Variants in C2CD3 observed in about 807,000 individuals in gnomAD.
The protein encoded by C2CD3 is C2 domain containing 3 centriole elongation regulator, also known as C2 domain-containing protein 3.
C2CD3 carries 148 observed loss-of-function variants against 234.0 expected under a neutral mutation model. That is an observed-to-expected ratio of 0.63 (90% CI 0.55 to 0.72). The LOEUF (loss-of-function observed/expected upper bound fraction) is 0.72. Ranked by LOEUF, C2CD3 falls within the 30% of genes least tolerant of loss-of-function variation. The pLI, the probability that C2CD3 is intolerant of heterozygous loss-of-function variation, is 0.00. For missense variants in C2CD3, 2,577 were observed against 2,811.5 expected (o/e 0.92, Z 1.89); for synonymous variants, 1,000 against 1,035.4 (o/e 0.97, Z 0.66).
chr11:74,111,401 T>C (rs1329337658), intron 11 of C2CD3, among the ~76,000 whole-genome samples: 1 of 152,134 alleles, frequency 6.6e-6, no homozygotes, highest in Non-Finnish European at 1.5e-5. Flanking sequence ...TCAGTCAAAA[T>C]GCAGTGAAAA....
chr11:74,111,991 TTATC>T (rs771458121), intron 11 of C2CD3, among the ~76,000 whole-genome samples: 20 of 144,046 alleles, frequency 1.4e-4, no homozygotes, highest in Admixed American at 5.6e-4. Flanking sequence ...CACACACACA[TTATC>T]TATCTATCTA....
chr11:74,039,392 G>A (rs1018492932), intron 29 of C2CD3, among the ~76,000 whole-genome samples: 13 of 152,196 alleles, frequency 8.5e-5, no homozygotes, highest in South Asian at 4.1e-4. Flanking sequence ...ACCTTGTTTC[G>A]CGCCCATTTG....
chr11:74,120,082 T>A (rs1210057019), intron 8 of C2CD3, among the ~76,000 whole-genome samples: 1 of 152,214 alleles, frequency 6.6e-6, no homozygotes, highest in African/African-American at 2.4e-5. Context: ...AGCAGTGGCA[T>A]GTGGCTACTA....
At chr11:74,108,706 G>C (rs1956626996) in intron 12 of C2CD3, among the ~76,000 whole-genome samples, 1 of 152,078 alleles carries the variant, frequency 6.6e-6, no homozygotes, top group South Asian at 2.1e-4. Flanking sequence ...TCTTTCATTA[G>C]ATTGAGTGAT....
At chr11:74,052,908 A>T (rs759307627) in intron 26 of C2CD3, among the ~76,000 whole-genome samples, 3 of 152,232 alleles carry the variant, frequency 2.0e-5, no homozygotes, top group Non-Finnish European at 2.9e-5. Context: ...GTGACTCTGT[A>T]GGCTGTGTAG....
Position 74,085,643 on chromosome 11 carries a change from A to T in C2CD3, c.3885T>A (p.Ala1295=). 1.2e-6 allele frequency: 2 copies of T among 1,614,190 alleles called. No homozygotes were observed. Among genetic ancestry groups the T allele is most frequent in the Non-Finnish European group, 8.5e-7 (1 of 1,180,032 alleles). ...ELLEFAEVIF[A]VYHENTKSAS... ...CTGACTTGGTATTTTCATGATAGACAGCAAAAATAACTTCTGCAAACTCCA... is the reference window on the plus strand; with the variant it reads ...CTGACTTGGTATTTTCATGATAGACTGCAAAAATAACTTCTGCAAACTCCA... The change falls in exon 21 of 33, where the codon GCT becomes GCA. Residue 1295 remains alanine (A), a synonymous_variant. Transcript: ENST00000334126.
At chr11:74,164,523 T>A (rs1349031731) in intron 2 of C2CD3, among the ~76,000 whole-genome samples, 3 of 152,188 alleles carry the variant, frequency 2.0e-5, no homozygotes, top group Non-Finnish European at 4.4e-5. Flanking sequence ...TTAGTTACTT[T>A]TAACTCTTTG....
At chr11:74,081,773 GCTCT>G (rs1188550021) in intron 22 of C2CD3, among the ~76,000 whole-genome samples, 2 of 152,120 alleles carry the variant, frequency 1.3e-5, no homozygotes, top group African/African-American at 2.4e-5. Context: ...TCATGATTTG[GCTCT>G]CTGTTTGTCT....
At chr11:74,066,867 A>G (rs1490354248) in intron 24 of C2CD3, among the ~76,000 whole-genome samples, 1 of 152,188 alleles carries the variant, frequency 6.6e-6, no homozygotes, top group Non-Finnish European at 1.5e-5. Context: ...AAGAGTAAAC[A>G]TTAAACTCAG....
At chr11:74,123,742 T>A (rs1957304585) in intron 7 of C2CD3, among the ~76,000 whole-genome samples, 2 of 150,496 alleles carry the variant, frequency 1.3e-5, no homozygotes, top group South Asian at 4.2e-4. Context: ...GGTATCTTTT[T>A]TTTTTTTTTT....
intron 8 of C2CD3, among the ~76,000 whole-genome samples, chr11:74,120,001 T>C (rs1277764471): frequency 1.3e-5 from 2 of 152,182 alleles, no homozygotes; most frequent in East Asian, 3.8e-4. Context: ...GAGTGGCAGC[T>C]TTTAAAAATG....
rs142851617 is a variant in C2CD3, at chr11:74,042,112, C to T, written c.5602G>A (p.Asp1868Asn). ...HLQGEAPLPC[D>N]DKLTTSPLSS... The stretch of plus-strand genomic sequence containing the variant: ...AAAGGTGATGTGGTCAGTTTGTCAT[C>T]ACATGGCAAGGGTGCCTCTCCCTGA... Residue 1868 changes from aspartate to asparagine, a missense_variant, in exon 29 of 33, where the codon GAT becomes AAT. Coordinates refer to ENST00000334126, the MANE Select transcript of C2CD3 (RefSeq NM_001286577.2). 2.0e-4 allele frequency: 318 copies of T among 1,613,584 alleles called. 1 individual carries two copies. The highest frequency in any genetic ancestry group is 4.9e-4 in the Middle Eastern group (3 of 6,082).
intron 23 of C2CD3, among the ~76,000 whole-genome samples, chr11:74,075,520 A>G (rs764002601): frequency 2.6e-5 from 4 of 152,210 alleles, no homozygotes; most frequent in Non-Finnish European, 4.4e-5. Flanking sequence ...ATTTAAGCCC[A>G]GAGACTTGAA....
At chr11:74,111,947 CACACACACACACACACACACACAT>C (rs1296964318) in intron 11 of C2CD3, among the ~76,000 whole-genome samples, 19 of 146,658 alleles carry the variant, frequency 1.3e-4, no homozygotes, top group South Asian at 1.1e-3. Flanking sequence ...CACACACACA[CACACACACACACACACACACACAT>C]ATATATATAC....
chr11:74,115,780 T>C (rs757614050), intron 9 of C2CD3, among the ~76,000 whole-genome samples: 4 of 152,100 alleles, frequency 2.6e-5, no homozygotes, highest in Non-Finnish European at 5.9e-5. Flanking sequence ...AATAGACACA[T>C]AGACCAATGG....
chr11:74,065,059 A>G (rs1199052989), intron 24 of C2CD3, among the ~76,000 whole-genome samples: 1 of 152,252 alleles, frequency 6.6e-6, no homozygotes, highest in Non-Finnish European at 1.5e-5. Context: ...CAAAATTGAC[A>G]AATGGGATCT....
chr11:74,061,257 ATT>A (rs1235073412), intron 24 of C2CD3, among the ~76,000 whole-genome samples: 1 of 152,240 alleles, frequency 6.6e-6, no homozygotes, highest in Non-Finnish European at 1.5e-5. Context: ...CAACATTCAA[ATT>A]CAGGAAATAC....
chr11:74,125,157 T>A (rs1957367396), intron 7 of C2CD3, among the ~76,000 whole-genome samples: 1 of 152,230 alleles, frequency 6.6e-6, no homozygotes, highest in African/African-American at 2.4e-5. Flanking sequence ...TTTACCTTCA[T>A]ATTTCTCTTT....
chr11:74,035,668 G>A (rs1456810175), intron 30 of C2CD3, among the ~76,000 whole-genome samples: 1 of 151,538 alleles, frequency 6.6e-6, no homozygotes, highest in Non-Finnish European at 1.5e-5. Context: ...AGCATACTGA[G>A]GCATAATGGA....
Sources: allele counts gnomAD v4.1 joint callset (sites outside exome capture counted in the v4.1 genomes callset), GRCh38; gene constraint gnomAD v4.1.1; transcripts MANE v1.5; gene names NCBI Gene and HGNC (gene_info 2026-07-23, HGNC 2026-07-21).